The following TMCC1 variants were observed in gnomAD, a reference collection of about 807,000 sequenced individuals.
TMCC1 encodes the protein transmembrane and coiled-coil domains protein 1.
Under a neutral mutation model 52.4 loss-of-function variants are expected in TMCC1, and 15 were observed. The observed-to-expected ratio is 0.29, with a 90% CI of 0.19 to 0.44. The LOEUF (loss-of-function observed/expected upper bound fraction) is 0.44, where lower values mean the gene tolerates loss of function less well. TMCC1 is among the 20% of genes least tolerant of loss of function. TMCC1 has a pLI of 1.00. For synonymous variants in TMCC1, 279 were observed against 301.9 expected, an observed-to-expected ratio of 0.92 and a Z score of 0.79; for missense variants, 503 against 806.0, an observed-to-expected ratio of 0.62 and a Z score of 4.55.
At position 129,860,103 on chromosome 3, in the gene TMCC1, A is replaced by G. The variant is rs530456311; in HGVS notation, c.-184+20206T>C. On this transcript the variant is annotated intron_variant, in intron 2 of 6. Coordinates refer to ENST00000393238, the MANE Select transcript of TMCC1 (RefSeq NM_001017395.5). ...AAATATTCAAAAACTTTAAAAATAC[A>G]TATGTTAAAGCGTTCAATATTTTCC... Among the ~76,000 whole-genome samples the G allele has an allele frequency of 3.3e-5, 5 of 152,374 alleles. No homozygotes were observed. The East Asian group carries it at 5.8e-4, about 18-fold the overall frequency.
intron 2 of TMCC1, among the ~76,000 whole-genome samples, chr3:129,852,921 A>C (rs2059980901): frequency 6.6e-6 from 1 of 152,210 alleles, no homozygotes; most frequent in Non-Finnish European, 1.5e-5. Flanking sequence ...TAGAAGGCTT[A>C]TGGGAAGAGA....
chr3:129,784,697 G>A (rs930261059), intron 4 of TMCC1, among the ~76,000 whole-genome samples: 1 of 152,024 alleles, frequency 6.6e-6, no homozygotes, highest in Non-Finnish European at 1.5e-5. Flanking sequence ...AGCTAGACAC[G>A]GTGGTTCGCA....
At chr3:129,892,884 A>AG (rs1313320722) in intron 1 of TMCC1, 2 of 152,358 alleles carry the variant, frequency 1.3e-5, no homozygotes, top group African/African-American at 2.4e-5. Flanking sequence ...CCTATCCTAC[A>AG]GGGGTTAACA....
At chr3:129,858,016 C>G (rs1031331770) in intron 2 of TMCC1, among the ~76,000 whole-genome samples, 1 of 152,194 alleles carries the variant, frequency 6.6e-6, no homozygotes, top group Non-Finnish European at 1.5e-5. Flanking sequence ...CTGGAACTTA[C>G]ACTCTTGACT....
At chr3:129,707,196 C>G (rs775821942) in intron 4 of TMCC1, among the ~76,000 whole-genome samples, 3 of 152,084 alleles carry the variant, frequency 2.0e-5, no homozygotes, top group Non-Finnish European at 4.4e-5. Context: ...TTCTAGTTCT[C>G]CAGTAATAGG....
chr3:129,893,172 C>G (rs2062054876), intron 1 of TMCC1: 1 of 152,316 alleles, frequency 6.6e-6, no homozygotes, highest in African/African-American at 2.4e-5. Context: ...CTCACACGCC[C>G]CTCCCTCACC....
intron 4 of TMCC1, among the ~76,000 whole-genome samples, chr3:129,732,460 G>T (rs1430731745): frequency 6.6e-6 from 1 of 152,060 alleles, no homozygotes; most frequent in African/African-American, 2.4e-5. Context: ...ATACTGTTTG[G>T]GGTCAGATTT....
chr3:129,745,479 G>T (rs1390439127), intron 4 of TMCC1, among the ~76,000 whole-genome samples: 8 of 152,190 alleles, frequency 5.3e-5, no homozygotes. Context: ...CAGAGCAAAT[G>T]CCCTGATGGG....
intron 2 of TMCC1, among the ~76,000 whole-genome samples, chr3:129,844,495 C>T (rs1400904058): frequency 1.3e-5 from 2 of 152,244 alleles, no homozygotes; most frequent in Non-Finnish European, 2.9e-5. Context: ...TAACAATGCC[C>T]AACATTCGGT....
At chr3:129,737,206 C>T (rs1006873978) in intron 4 of TMCC1, among the ~76,000 whole-genome samples, 2 of 152,144 alleles carry the variant, frequency 1.3e-5, no homozygotes, top group Admixed American at 1.3e-4. Flanking sequence ...GTGGCTCACA[C>T]CTGTAATCCC....
chr3:129,743,735 C>T (rs553457166), intron 4 of TMCC1, among the ~76,000 whole-genome samples: 1 of 152,120 alleles, frequency 6.6e-6, no homozygotes, highest in African/African-American at 2.4e-5. Context: ...AATAAGCTAA[C>T]CTATCTGCAA....
At chr3:129,680,572 G>C (rs2088881226) in intron 4 of TMCC1, among the ~76,000 whole-genome samples, 1 of 152,076 alleles carries the variant, frequency 6.6e-6, no homozygotes, top group Non-Finnish European at 1.5e-5. Context: ...TACCACTTGA[G>C]CAGCAGAATA....
At chr3:129,816,433 G>A (rs1303513703) in intron 4 of TMCC1, among the ~76,000 whole-genome samples, 1 of 152,170 alleles carries the variant, frequency 6.6e-6, no homozygotes, top group African/African-American at 2.4e-5. Context: ...TTCATTTGCA[G>A]CAACATGGAT....
At chr3:129,838,661 G>A (rs531108553) in intron 2 of TMCC1, among the ~76,000 whole-genome samples, 46 of 148,848 alleles carry the variant, frequency 3.1e-4, no homozygotes, top group Non-Finnish European at 6.1e-4. Context: ...GCTGAGGCAG[G>A]AGAATCACTT....
At chr3:129,787,960 A>G (rs1200676494) in intron 4 of TMCC1, among the ~76,000 whole-genome samples, 3 of 152,226 alleles carry the variant, frequency 2.0e-5, no homozygotes, top group African/African-American at 4.8e-5. Context: ...AACTAGGGCT[A>G]CTATTTAAGG....
At chr3:129,809,746 T>C (rs1258876362) in intron 4 of TMCC1, among the ~76,000 whole-genome samples, 1 of 152,200 alleles carries the variant, frequency 6.6e-6, no homozygotes, top group Non-Finnish European at 1.5e-5. Context: ...TAGCTTTTGG[T>C]ATTTTCCATA....
At chr3:129,794,697 G>A (rs2056703352) in intron 4 of TMCC1, among the ~76,000 whole-genome samples, 1 of 152,022 alleles carries the variant, frequency 6.6e-6, no homozygotes. Flanking sequence ...GGATGCCGCT[G>A]TGGTGCTACC....
chr3:129,677,020 T>C (rs548334621), intron 4 of TMCC1, among the ~76,000 whole-genome samples: 7 of 152,136 alleles, frequency 4.6e-5, no homozygotes, highest in South Asian at 4.2e-4. Context: ...TCCCAGCACT[T>C]TGGGAGGCCG....
chr3:129,681,524 A>C (rs1474975514), intron 4 of TMCC1, among the ~76,000 whole-genome samples: 1 of 152,048 alleles, frequency 6.6e-6, no homozygotes, highest in East Asian at 1.9e-4. Context: ...CCATGAGTAA[A>C]TGAAATAGAG....
Sources: gnomAD v4.1 joint callset for allele counts (sites outside exome capture counted in the v4.1 genomes callset) on GRCh38, gnomAD v4.1.1 for gene constraint, MANE v1.5 for transcripts, NCBI Gene and HGNC (gene_info 2026-07-23, HGNC 2026-07-21) for gene names.